LCT: variants seen among roughly 807,000 people sequenced by gnomAD.
LCT encodes lactase/phlorizin hydrolase.
In LCT, 90 loss-of-function variants were observed where a neutral mutation model predicts 173.0. That is an observed-to-expected ratio of 0.52 (90% CI 0.44 to 0.62). The LOEUF (loss-of-function observed/expected upper bound fraction) is 0.62. LCT is among the 20% of genes least tolerant of loss of function. The pLI, the probability that LCT is intolerant of heterozygous loss-of-function variation, is 0.00. For missense variants in LCT, 1,864 were observed against 2,431.4 expected, an observed-to-expected ratio of 0.77 and a Z score of 4.91; for synonymous variants, 853 against 957.6, an observed-to-expected ratio of 0.89 and a Z score of 2.02.
chr2:135,836,010 ATATATGTATACATATTTT>A (rs1679350507), intron 1 of LCT, among the ~76,000 whole-genome samples: 1 of 16,770 alleles, frequency 6.0e-5, no homozygotes, highest in African/African-American at 9.5e-5. Flanking sequence ...ATATATATAT[ATATATGTATACATATTTT>A]TTTTTTTTGA....
intron 7 of LCT, 42 bp downstream of exon 7, chr2:135,812,269 T>TACCAC (rs1558739357): frequency 6.5e-7 from 1 of 1,542,138 alleles, no homozygotes. Flanking sequence ...CTTGGAGAAG[T>TACCAC]ACCACCCACC....
At position 135,809,650 on chromosome 2, in the gene LCT, G is replaced by A. The variant is rs2077716327; in HGVS notation, c.2697C>T (p.Tyr899=). 6.2e-7 allele frequency: 1 copy of A among 1,614,118 alleles called. No homozygotes were observed. Among genetic ancestry groups the A allele is most frequent in the African/African-American group, 1.3e-5 (1 of 74,924 alleles). Residue 899 remains tyrosine, a synonymous_variant, in exon 8 of 17, where the codon TAC becomes TAT. Coordinates refer to ENST00000264162, the MANE Select transcript of LCT (RefSeq NM_002299.4). The surrounding 1 kb of genome is among the most constrained non-coding windows in gnomAD (Gnocchi z 5.5). ...GAAAGTCATCCCGAAACGTCCCGTG[G>A]TAGAACAAATCTCTTTCGAACTTGG... is the stretch of plus-strand genomic sequence containing the variant. The part of the protein sequence containing the change: ...SQPKFERDLF[Y]HGTFRDDFLW...
In LCT at chr2:135,808,784, C is replaced by G. The variant is rs1476704173; in HGVS notation, c.3563G>C (p.Ser1188Thr). Residue 1188 changes from serine (S) to threonine (T), a missense_variant, in exon 8 of 17, where the codon AGC becomes ACC. This residue lies in a region of LCT where 755 missense variants were observed against 926.3 expected (regional missense o/e 0.82). Coordinates refer to ENST00000264162, the MANE Select transcript of LCT (RefSeq NM_002299.4). The part of the protein sequence containing the change: ...LQHLATSRLP[S>T]FTEEEKRFIR... ...GAACCTCTTCTCTTCCTCAGTGAAG[C>G]TTGGCAGGCGGGAGGTGGCTAAGTG... 2.5e-6 allele frequency: 4 copies of G among 1,613,550 alleles called. No individual in the cohort carries two copies. The highest frequency in any genetic ancestry group is 3.4e-6 in the Non-Finnish European group (4 of 1,179,538).
intron 1 of LCT, among the ~76,000 whole-genome samples, chr2:135,836,001 T>TATATAA: frequency 3.8e-5 from 1 of 26,088 alleles, no homozygotes; most frequent in African/African-American, 6.5e-5. Flanking sequence ...TATATATATA[T>TATATAA]ATATATATAT....
At chr2:135,804,597 G>A (rs373049862) in intron 10 of LCT, among the ~76,000 whole-genome samples, 170 bp downstream of exon 10, 7 of 152,174 alleles carry the variant, frequency 4.6e-5, no homozygotes, top group African/African-American at 1.7e-4. Context: ...AACGAGATCC[G>A]CCACTGCACT....
intron 16 of LCT, 69 bp from the exon 17 acceptor site, chr2:135,788,613 C>T: frequency 9.9e-7 from 1 of 1,006,632 alleles, no homozygotes; most frequent in Non-Finnish European, 1.6e-6. Context: ...TCTGAGACCC[C>T]AGCAGAGGCT....
intron 1 of LCT, among the ~76,000 whole-genome samples, chr2:135,835,976 G>GTATATA (rs745860913): frequency 1.2e-3 from 97 of 80,382 alleles, no homozygotes; most frequent in East Asian, 3.7e-3. Context: ...ATACATGTGT[G>GTATATA]TATATATATA....
chr2:135,803,874 T>G (rs771039882), intron 11 of LCT, 56 bp downstream of exon 11: 4 of 1,508,316 alleles, frequency 2.7e-6, no homozygotes, highest in Non-Finnish European at 3.7e-6. Flanking sequence ...TTTCAACTCT[T>G]GATGTGCTAA....
chr2:135,835,976 GTA>G lies in LCT; in HGVS notation c.640+552_640+553del, dbSNP rs745860913. 6.1e-3 allele frequency among the ~76,000 whole-genome samples: 488 copies of G among 80,402 alleles called. 4 individuals carry two copies. Among genetic ancestry groups the G allele is most frequent in the African/African-American group, 0.031 (467 of 14,984 alleles). The allele number at this position is 80,402 out of a possible 152,430, so 52.7% of individuals were successfully genotyped here. On this transcript the variant is annotated intron_variant, in intron 1 of 16. Coordinates refer to ENST00000264162, the MANE Select transcript of LCT (RefSeq NM_002299.4). Reference sequence around the variant, plus strand: ...AGGGGTATTTCAAAAATACATGTGTGTATATATATATATATATATATATATAT... The same window carrying G: ...AGGGGTATTTCAAAAATACATGTGTGTATATATATATATATATATATATAT...
rs151165674 is a variant in LCT, at chr2:135,808,630, C to T, written c.3717G>A (p.Ser1239=). The T allele has an allele frequency of 1.7e-5, 27 of 1,614,190 alleles. No individual in the cohort carries two copies. The highest frequency in any genetic ancestry group is 1.6e-4 in the Middle Eastern group (1 of 6,062). ...DQEMAEEEDP[S]WPSTAMNRAA... ...CTCTGTTCATTGCCGTGGAAGGCCA[C>T]GAAGGGTCCTCCTCCTCAGCCATCT... The change falls in exon 8 of 17, where the codon TCG becomes TCA. Residue 1239 remains serine (S), a synonymous_variant. Transcript: ENST00000264162.
At chr2:135,813,564 A>G (rs550945379) in intron 6 of LCT, among the ~76,000 whole-genome samples, 1 of 152,342 alleles carries the variant, frequency 6.6e-6, no homozygotes, top group African/African-American at 2.4e-5. Flanking sequence ...TGGCAGGTAC[A>G]ATTATTATCA....
chr2:135,807,647 G>A (rs2077688560), intron 8 of LCT, among the ~76,000 whole-genome samples: 1 of 152,002 alleles, frequency 6.6e-6, no homozygotes, highest in South Asian at 2.1e-4. Context: ...CCAAATTCAA[G>A]ATCTTCAGCC....
rs1679388040 is a variant in LCT at position 135,836,565 on chromosome 2, GCTTTTCTGTGGGC to G, written c.592_604del (p.Ala198ProfsTer30). 4 of 1,613,994 alleles carry G rather than the reference GCTTTTCTGTGGGC, an allele frequency of 2.5e-6. No individual in the cohort carries two copies. Among genetic ancestry groups the G allele is most frequent in the African/African-American group, 1.3e-5 (1 of 74,916 alleles). ...ATAGCTTTCGTGGTAAATCTCATAG[GCTTTTCTGTGGGC>G]ATCACTGAGGGTCTGGAGTTGTGAC... On this transcript the variant is annotated frameshift_variant, in exon 1 of 17. Coordinates refer to ENST00000264162, the MANE Select transcript of LCT (RefSeq NM_002299.4). LOFTEE classifies it high-confidence loss of function.
At position 135,808,508 on chromosome 2, in the gene LCT, T is replaced by C. The variant is rs761364933; in HGVS notation, c.3839A>G (p.Asn1280Ser). ...YITENGVGLT[N>S]PNTEDTDRIF... The stretch of plus-strand genomic sequence containing the variant: ...CCTATCAGTATCCTCCGTGTTCGGA[T>C]TGGTCAGCCCCACTCCGTTTTCGGT... Residue 1280 changes from asparagine to serine, a missense_variant, in exon 8 of 17, where the codon AAT becomes AGT. This residue lies in a region of LCT where 755 missense variants were observed against 926.3 expected (regional missense o/e 0.82). Transcript: ENST00000264162. The C allele has an allele frequency of 7.4e-6, 12 of 1,614,088 alleles. No individual in the cohort carries two copies. Among genetic ancestry groups the C allele is most frequent in the African/African-American group, 1.3e-5 (1 of 74,938 alleles).
chr2:135,823,769 TG>T, intron 4 of LCT, 131 bp downstream of exon 4: 2 of 720,156 alleles, frequency 2.8e-6, no homozygotes, highest in South Asian at 1.5e-5. Context: ...TAACCCAGTC[TG>T]GGGTGGGCTT....
rs773604635 is a variant in LCT, at chr2:135,800,780, A to AG, written c.4692dup (p.Tyr1565LeufsTer13). The AG allele has an allele frequency of 6.2e-7, 1 of 1,614,118 alleles. No homozygotes were observed. Among genetic ancestry groups the AG allele is most frequent in the Non-Finnish European group, 8.5e-7 (1 of 1,179,994 alleles). The stretch of plus-strand genomic sequence containing the variant: ...TTTATTAGATTGTGGCCAACAATGT[A>AG]GGGGGCAGTGCCAGGCCTATTGGAG... On this transcript the variant is annotated frameshift_variant, in exon 12 of 17. Coordinates refer to ENST00000264162, the MANE Select transcript of LCT (RefSeq NM_002299.4). LOFTEE classifies it high-confidence loss of function.
At position 135,818,122 on chromosome 2, in the gene LCT, C is replaced by T. The variant is rs1252337503; in HGVS notation, c.987-61G>A. 5 of 1,592,956 alleles carry T rather than the reference C, an allele frequency of 3.1e-6. No individual in the cohort carries two copies. The Admixed American group carries it at 5.0e-5, about 16-fold the overall frequency. ...TGAATGACGCTGGCAGTTACAAATG[C>T]CCCCTACGGATGACTACTGTGTTTA... On this transcript the variant is annotated intron_variant, in intron 5 of 16. Transcript: ENST00000264162.
intron 6 of LCT, among the ~76,000 whole-genome samples, chr2:135,816,547 G>A (rs545628580): frequency 1.4e-4 from 22 of 152,310 alleles, no homozygotes; most frequent in Admixed American, 3.9e-4. Flanking sequence ...TGGTGGCATC[G>A]CTTGTGCTCT....
intron 11 of LCT, among the ~76,000 whole-genome samples, chr2:135,801,125 G>A (rs2077623020): frequency 6.6e-6 from 1 of 152,174 alleles, no homozygotes; most frequent in Non-Finnish European, 1.5e-5. Flanking sequence ...CTTGATAAAT[G>A]TTGGCTTCTG....
Sources: allele counts gnomAD v4.1 joint callset (sites outside exome capture counted in the v4.1 genomes callset), GRCh38; gene constraint gnomAD v4.1.1; regional missense constraint gnomAD v4.1.1; non-coding constraint Gnocchi (gnomAD v3.1); transcripts MANE v1.5; gene names NCBI Gene and HGNC (gene_info 2026-07-23, HGNC 2026-07-21).